GNA12: variants seen among roughly 807,000 people sequenced by gnomAD.
The protein encoded by GNA12 is G protein subunit alpha 12, also known as guanine nucleotide-binding protein subunit alpha-12.
A neutral mutation model predicts 26.0 loss-of-function variants in GNA12; 9 were observed. That is an observed-to-expected ratio of 0.35 (90% CI 0.21 to 0.60). The LOEUF (loss-of-function observed/expected upper bound fraction) is 0.60. Among genes scored for constraint, GNA12 ranks in the 20% least tolerant of loss-of-function variants. The pLI is 0.78. For missense variants in GNA12, 405 were observed against 525.8 expected (o/e 0.77, Z 2.25); for synonymous variants, 264 against 219.6 (o/e 1.20, Z -1.79).
intron 2 of GNA12, among the ~76,000 whole-genome samples, chr7:2,757,172 G>C (rs1045448766): frequency 8.7e-6 from 1 of 114,930 alleles, no homozygotes; most frequent in African/African-American, 3.4e-5. Context: ...GTCTTGCTCT[G>C]TCACCCAGGC....
At chr7:2,741,903 T>C (rs954505034) in intron 2 of GNA12, among the ~76,000 whole-genome samples, 4 of 151,540 alleles carry the variant, frequency 2.6e-5, no homozygotes, top group African/African-American at 9.7e-5. Context: ...GTTTATCTAA[T>C]ATATACAGAT....
intron 1 of GNA12, among the ~76,000 whole-genome samples, chr7:2,837,402 G>A (rs1778870226): frequency 6.6e-6 from 1 of 152,160 alleles, no homozygotes; most frequent in Admixed American, 6.5e-5. Context: ...GGAGATGAGA[G>A]AGAGGGACTG....
rs927740769 is a variant in GNA12, at chr7:2,809,114, T to C, written c.310-13971A>G. On this transcript the variant is annotated intron_variant, in intron 1 of 3. Transcript: ENST00000275364. ...TCCTCGCTTTACTTCCTTGACCACT[T>C]CCGGCTGGCTACCCGCCTTCAGAGT... 2.0e-5 allele frequency among the ~76,000 whole-genome samples: 3 copies of C among 152,114 alleles called. No homozygotes were observed. In the East Asian group the frequency reaches 5.8e-4, roughly 29 times the overall value.
At chr7:2,767,836 G>C (rs1433175172) in intron 2 of GNA12, among the ~76,000 whole-genome samples, 1 of 152,152 alleles carries the variant, frequency 6.6e-6, no homozygotes, top group African/African-American at 2.4e-5. Flanking sequence ...GTGAACAGTT[G>C]TACTAATGGA....
chr7:2,774,608 C>T (rs1792030877), intron 2 of GNA12, among the ~76,000 whole-genome samples: 1 of 152,098 alleles, frequency 6.6e-6, no homozygotes, highest in South Asian at 2.1e-4. Flanking sequence ...GCTAATGTGT[C>T]GAATGCTTTA....
chr7:2,834,174 A>C (rs1479018995), intron 1 of GNA12, among the ~76,000 whole-genome samples: 1 of 152,252 alleles, frequency 6.6e-6, no homozygotes, highest in East Asian at 1.9e-4. Context: ...TGGACTAGAA[A>C]GTTCTGATTC....
rs538972171 is a variant in GNA12, at chr7:2,749,205, T to C, written c.526-15704A>G. 2.6e-5 allele frequency among the ~76,000 whole-genome samples: 4 copies of C among 152,278 alleles called. No homozygotes were observed. In the East Asian group the frequency reaches 5.8e-4, roughly 22 times the overall value. ...TAAATCATGCTGCTATAAAGACACA[T>C]GCACACGTGTGTTTATTGCGGCACT... On this transcript the variant is annotated intron_variant, in intron 2 of 3. Transcript: ENST00000275364.
At chr7:2,799,468 G>T (rs1792756601) in intron 1 of GNA12, among the ~76,000 whole-genome samples, 1 of 152,116 alleles carries the variant, frequency 6.6e-6, no homozygotes, top group Non-Finnish European at 1.5e-5. Flanking sequence ...GATAGTTCCA[G>T]CTACTCAGGA....
At chr7:2,817,182 C>T (rs753183181) in intron 1 of GNA12, among the ~76,000 whole-genome samples, 11 of 152,328 alleles carry the variant, frequency 7.2e-5, no homozygotes, top group East Asian at 1.9e-4. Flanking sequence ...CTCGGCTCAC[C>T]GCAACCTCCA....
intron 2 of GNA12, among the ~76,000 whole-genome samples, chr7:2,747,396 T>C (rs1019703958): frequency 6.6e-6 from 1 of 152,172 alleles, no homozygotes; most frequent in African/African-American, 2.4e-5. Flanking sequence ...TAATCCAGTA[T>C]ATAAACAGAA....
intron 2 of GNA12, among the ~76,000 whole-genome samples, chr7:2,758,670 C>A (rs780305297): frequency 6.6e-6 from 1 of 152,196 alleles, no homozygotes; most frequent in Non-Finnish European, 1.5e-5. Context: ...CTTGGAGGAA[C>A]CCCTGTGCTA....
chr7:2,821,990 C>T (rs1272179055), intron 1 of GNA12, among the ~76,000 whole-genome samples: 1 of 152,086 alleles, frequency 6.6e-6, no homozygotes, highest in African/African-American at 2.4e-5. Flanking sequence ...CAGACCAGGC[C>T]CTCGCATGCC....
intron 1 of GNA12, among the ~76,000 whole-genome samples, chr7:2,828,096 G>T (rs546265454): frequency 6.6e-6 from 1 of 152,286 alleles, no homozygotes; most frequent in Admixed American, 6.5e-5. Flanking sequence ...TGCCGAAGAT[G>T]TTGTGGTCTC....
intron 2 of GNA12, among the ~76,000 whole-genome samples, chr7:2,760,604 G>A (rs1360941776): frequency 6.6e-6 from 1 of 152,170 alleles, no homozygotes; most frequent in Non-Finnish European, 1.5e-5. Flanking sequence ...ACCAGAGCCT[G>A]TGAAGACTTT....
intron 1 of GNA12, among the ~76,000 whole-genome samples, chr7:2,795,732 G>T (rs1283415359): frequency 6.6e-6 from 1 of 151,536 alleles, no homozygotes; most frequent in African/African-American, 2.4e-5. Context: ...AAAGCTACTG[G>T]AAAAAAGACA....
chr7:2,807,496 T>A (rs1325913568), intron 1 of GNA12, among the ~76,000 whole-genome samples: 2 of 151,922 alleles, frequency 1.3e-5, no homozygotes, highest in Non-Finnish European at 2.9e-5. Flanking sequence ...AAGAGAGCCT[T>A]GAATTTGATG....
intron 1 of GNA12, among the ~76,000 whole-genome samples, chr7:2,834,116 T>C (rs1050487734): frequency 1.3e-5 from 2 of 152,164 alleles, no homozygotes; most frequent in African/African-American, 2.4e-5. Flanking sequence ...TCAGCTAGAG[T>C]GCTGCGACTG....
intron 2 of GNA12, among the ~76,000 whole-genome samples, chr7:2,734,153 G>A (rs1790040673): frequency 6.6e-6 from 1 of 152,114 alleles, no homozygotes. Flanking sequence ...TAGTGCGAAG[G>A]GCCCTGCGGA....
chr7:2,750,986 A>C (rs1306937596), intron 2 of GNA12, among the ~76,000 whole-genome samples: 1 of 152,206 alleles, frequency 6.6e-6, no homozygotes, highest in Non-Finnish European at 1.5e-5. Flanking sequence ...AGAATTCACA[A>C]TGTACATCAG....
Sources: gnomAD v4.1 joint callset for allele counts (sites outside exome capture counted in the v4.1 genomes callset) on GRCh38, gnomAD v4.1.1 for gene constraint, MANE v1.5 for transcripts, NCBI Gene and HGNC (gene_info 2026-07-23, HGNC 2026-07-21) for gene names.